PKIB: variants seen among roughly 807,000 people sequenced by gnomAD.
PKIB encodes the protein cAMP-dependent protein kinase inhibitor beta, also known as PKI-beta.
A neutral mutation model predicts 4.5 loss-of-function variants in PKIB; 2 were observed. The ratio of observed to expected loss-of-function variants is 0.44; its 90% confidence interval spans 0.18 to 1.39. The LOEUF (loss-of-function observed/expected upper bound fraction) is 1.39, where lower values mean the gene tolerates loss of function less well. PKIB is among the 40% of genes most tolerant of loss of function. The pLI, the probability that PKIB is intolerant of heterozygous loss-of-function variation, is 0.27. For missense variants in PKIB, 94 were observed against 92.6 expected (o/e 1.02, Z -0.06); for synonymous variants, 38 against 36.0 (o/e 1.06, Z -0.20).
At chr6:122,519,076 C>T (rs945151608) in intron 2 of PKIB, among the ~76,000 whole-genome samples, 2 of 152,016 alleles carry the variant, frequency 1.3e-5, no homozygotes, top group African/African-American at 4.8e-5. Context: ...GGTACCAGTC[C>T]GTGGGCTACT....
At chr6:122,500,128 A>T (rs1776186575) in intron 2 of PKIB, among the ~76,000 whole-genome samples, 1 of 152,192 alleles carries the variant, frequency 6.6e-6, no homozygotes, top group African/African-American at 2.4e-5. Flanking sequence ...CTTCCCAGAG[A>T]AATCTATGGA....
chr6:122,655,249 T>G (rs770377897), intron 2 of PKIB, among the ~76,000 whole-genome samples: 6 of 152,214 alleles, frequency 3.9e-5, no homozygotes, highest in South Asian at 2.1e-4. Context: ...AAATGGTACC[T>G]GACTGCTAGA....
chr6:122,666,011 A>G (rs376955299), intron 2 of PKIB, among the ~76,000 whole-genome samples: 22 of 152,322 alleles, frequency 1.4e-4, no homozygotes, highest in East Asian at 9.6e-4. Flanking sequence ...CATCCTGTGA[A>G]GTGGAAGTTT....
chr6:122,538,239 A>G (rs1181951991), intron 2 of PKIB, among the ~76,000 whole-genome samples: 2 of 152,132 alleles, frequency 1.3e-5, no homozygotes, highest in Non-Finnish European at 2.9e-5. Flanking sequence ...TGTTTTAGAC[A>G]TGAAGTCCTT....
chr6:122,636,554 A>G (rs1416730357), intron 2 of PKIB, among the ~76,000 whole-genome samples: 3 of 152,118 alleles, frequency 2.0e-5, no homozygotes, highest in Non-Finnish European at 4.4e-5. Context: ...TAAGTATGTT[A>G]TGCAGAAAGA....
At chr6:122,535,013 G>A (rs1161944862) in intron 2 of PKIB, among the ~76,000 whole-genome samples, 1 of 152,106 alleles carries the variant, frequency 6.6e-6, no homozygotes, top group Non-Finnish European at 1.5e-5. Context: ...ATAATGGTCA[G>A]TTCTGCTCTT....
chr6:122,688,930 G>A (rs1327784394), intron 3 of PKIB, among the ~76,000 whole-genome samples: 6 of 151,776 alleles, frequency 4.0e-5, no homozygotes, highest in African/African-American at 2.4e-5. Context: ...ACAGACGCCC[G>A]CCACCACGCC....
intron 3 of PKIB, among the ~76,000 whole-genome samples, chr6:122,597,212 A>G (rs1249539844): frequency 2.6e-5 from 4 of 152,194 alleles, no homozygotes; most frequent in African/African-American, 9.7e-5. Flanking sequence ...AATATAATCA[A>G]TGTAATGGCC....
chr6:122,519,041 G>A (rs1335126352), intron 2 of PKIB, among the ~76,000 whole-genome samples: 2 of 152,118 alleles, frequency 1.3e-5, no homozygotes, highest in Admixed American at 1.3e-4. Flanking sequence ...CCAAATTTGG[G>A]GGAGATAAGA....
chr6:122,598,578 A>G (rs1052857227), intron 3 of PKIB, among the ~76,000 whole-genome samples: 4 of 152,118 alleles, frequency 2.6e-5, no homozygotes, highest in African/African-American at 9.7e-5. Flanking sequence ...TGCCCTCACA[A>G]ATTTATTTTG....
At chr6:122,570,216 A>G (rs12211993) in intron 2 of PKIB, among the ~76,000 whole-genome samples, 29,199 of 152,116 alleles carry the variant, frequency 0.19, 3,007 homozygotes, top group African/African-American at 0.25. Flanking sequence ...ATAGAAATGA[A>G]GCTGGGAAGT....
At chr6:122,604,258 A>G (rs1382814337) in intron 3 of PKIB, among the ~76,000 whole-genome samples, 1 of 152,184 alleles carries the variant, frequency 6.6e-6, no homozygotes, top group Non-Finnish European at 1.5e-5. Flanking sequence ...AACTTAAGAG[A>G]ATAATATTTT....
intron 3 of PKIB, among the ~76,000 whole-genome samples, chr6:122,588,508 C>G (rs1773920894): frequency 6.6e-6 from 1 of 152,140 alleles, no homozygotes; most frequent in African/African-American, 2.4e-5. Context: ...GGAGGCATCA[C>G]ACTACCTGAC....
intron 3 of PKIB, among the ~76,000 whole-genome samples, chr6:122,604,539 G>T (rs1296165605): frequency 1.3e-5 from 2 of 152,190 alleles, no homozygotes; most frequent in Admixed American, 1.3e-4. Flanking sequence ...AGTTTATTTG[G>T]AAAGCAGGAT....
intron 3 of PKIB, among the ~76,000 whole-genome samples, chr6:122,708,917 G>A (rs1455592488): frequency 6.6e-6 from 1 of 152,160 alleles, no homozygotes; most frequent in African/African-American, 2.4e-5. Context: ...ACAGGCATGA[G>A]CCATCACGCC....
chr6:122,672,542 C>T (rs1777509248), intron 2 of PKIB, among the ~76,000 whole-genome samples: 1 of 152,084 alleles, frequency 6.6e-6, no homozygotes. Context: ...CCATGTATAT[C>T]ACCAAGTTTT....
At chr6:122,653,962 C>T (rs893003600) in intron 2 of PKIB, among the ~76,000 whole-genome samples, 1 of 152,054 alleles carries the variant, frequency 6.6e-6, no homozygotes, top group African/African-American at 2.4e-5. Flanking sequence ...TGTCTCAAAA[C>T]GAACAAACAA....
At chr6:122,500,764 G>T (rs1776207800) in intron 2 of PKIB, among the ~76,000 whole-genome samples, 1 of 152,190 alleles carries the variant, frequency 6.6e-6, no homozygotes, top group Non-Finnish European at 1.5e-5. Context: ...GGAGAAAAGA[G>T]GCTTAATTAA....
intron 2 of PKIB, among the ~76,000 whole-genome samples, chr6:122,536,923 G>A (rs1174622107): frequency 1.9e-5 from 2 of 105,564 alleles, no homozygotes; most frequent in African/African-American, 6.6e-5. Flanking sequence ...TTTAACCAAC[G>A]AACCTCAAAT....
Sources: gnomAD v4.1 joint callset for allele counts (sites outside exome capture counted in the v4.1 genomes callset) on GRCh38, gnomAD v4.1.1 for gene constraint, MANE v1.5 for transcripts, NCBI Gene and HGNC (gene_info 2026-07-23, HGNC 2026-07-21) for gene names.